TBXAS1: variants seen among roughly 807,000 people sequenced by gnomAD.
TBXAS1 encodes the protein thromboxane-A synthase.
A neutral mutation model predicts 60.7 loss-of-function variants in TBXAS1; 48 were observed. The observed-to-expected ratio is 0.79, with a 90% confidence interval of 0.63 to 1.01. The LOEUF (loss-of-function observed/expected upper bound fraction) is 1.01, where lower values mean the gene tolerates loss of function less well. Ranked by LOEUF, TBXAS1 falls within the 50% of genes least tolerant of loss-of-function variation. The probability of loss-of-function intolerance (pLI) is 0.00; values close to 1 mark genes in which losing one functional copy is unlikely to be tolerated. For missense variants in TBXAS1, 685 were observed against 686.3 expected (o/e 1.00, Z 0.02); for synonymous variants, 287 against 269.7 (o/e 1.06, Z -0.63).
chr7:139,906,920 T>TTAG (rs1805144087), intron 3 of TBXAS1, among the ~76,000 whole-genome samples: 1 of 152,244 alleles, frequency 6.6e-6, no homozygotes, highest in African/African-American at 2.4e-5. Context: ...AACTCACTTA[T>TTAG]TAGTTCTAAG....
chr7:139,873,325 G>T (rs976079895), intron 2 of TBXAS1, among the ~76,000 whole-genome samples: 2 of 152,212 alleles, frequency 1.3e-5, no homozygotes, highest in Non-Finnish European at 2.9e-5. Context: ...AGAACTATTT[G>T]TGTGTTAACA....
Position 140,017,726 on chromosome 7 carries a change from GC to G in TBXAS1, c.1422del (p.Gly475AlafsTer10), listed in dbSNP as rs1362879495. 1.9e-6 allele frequency: 3 copies of G among 1,613,900 alleles called. No homozygotes were observed. The highest frequency in any genetic ancestry group is 2.5e-6 in the Non-Finnish European group (3 of 1,179,944). ...HRPFTYLPFG[A>X]GPRSCLGVRL... ...GCCCTTCACGTACCTGCCCTTCGGGGCCGGCCCACGGAGCTGCCTCGGGGTG... is the reference window on the plus strand; with the variant it reads ...GCCCTTCACGTACCTGCCCTTCGGGGCGGCCCACGGAGCTGCCTCGGGGTG... On this transcript the variant is annotated frameshift_variant, in exon 12 of 13. Coordinates refer to ENST00000448866, the MANE Select transcript of TBXAS1 (RefSeq NM_001061.7). LOFTEE classifies it high-confidence loss of function.
intron 3 of TBXAS1, among the ~76,000 whole-genome samples, chr7:139,785,489 T>TG (rs397769086): frequency 1.5e-3 from 223 of 150,378 alleles, no homozygotes; most frequent in African/African-American, 5.3e-3. Flanking sequence ...TTGTTGTTGT[T>TG]TTTTGTGTGA....
chr7:139,853,265 A>T (rs1010295685), intron 1 of TBXAS1, among the ~76,000 whole-genome samples: 2 of 142,730 alleles, frequency 1.4e-5, no homozygotes, highest in Non-Finnish European at 3.0e-5. Context: ...CACAGACTTG[A>T]ACAAACAGGG....
At chr7:139,959,006 T>G (rs1477164061) in intron 8 of TBXAS1, among the ~76,000 whole-genome samples, 4 of 65,054 alleles carry the variant, frequency 6.1e-5, no homozygotes, top group African/African-American at 2.1e-4. Context: ...TTTGAGAGTG[T>G]TCACACACAC....
intron 4 of TBXAS1, among the ~76,000 whole-genome samples, chr7:139,807,086 A>C (rs1015748721): frequency 6.6e-6 from 1 of 152,272 alleles, no homozygotes; most frequent in South Asian, 2.1e-4. Context: ...CTGCAGTCCA[A>C]CTGCCCTCCC....
At position 139,871,968 on chromosome 7, in the gene TBXAS1, T is replaced by C. The variant is rs117026346; in HGVS notation, c.90-267T>C. On this transcript the variant is annotated intron_variant, in intron 1 of 12. Transcript: ENST00000448866. The stretch of plus-strand genomic sequence containing the variant: ...GGAATTCTAGGTCAGAGAGGGGCAG[T>C]TGGACTACATCATCTGTAAGGCATC... Among the ~76,000 whole-genome samples, 1,416 of 152,282 alleles carry C rather than the reference T, an allele frequency of 9.3e-3. 15 individuals are homozygous for C. Among genetic ancestry groups the C allele is most frequent in the Non-Finnish European group, 0.015 (994 of 68,018 alleles).
At chr7:139,824,075 G>A (rs893653461) in intron 4 of TBXAS1, among the ~76,000 whole-genome samples, 1 of 152,154 alleles carries the variant, frequency 6.6e-6, no homozygotes, top group Non-Finnish European at 1.5e-5. Flanking sequence ...ACATCTGCAC[G>A]GGCAGTTTTT....
chr7:139,843,468 G>C (rs755030228), intron 1 of TBXAS1, among the ~76,000 whole-genome samples: 8 of 152,016 alleles, frequency 5.3e-5, no homozygotes, highest in Non-Finnish European at 1.0e-4. Flanking sequence ...TCAGCCTCCT[G>C]AGTAGCTGGG....
chr7:139,997,224 G>T (rs538447752), intron 9 of TBXAS1, among the ~76,000 whole-genome samples: 1 of 152,234 alleles, frequency 6.6e-6, no homozygotes, highest in South Asian at 2.1e-4. Context: ...GAGGGAACCA[G>T]GATCTGTGGG....
chr7:139,807,148 G>A (rs551581112), intron 4 of TBXAS1, among the ~76,000 whole-genome samples: 1 of 152,138 alleles, frequency 6.6e-6, no homozygotes, highest in African/African-American at 2.4e-5. Flanking sequence ...AGCCTCCAGC[G>A]CCAGCTCTTC....
intron 4 of TBXAS1, among the ~76,000 whole-genome samples, chr7:139,798,659 A>C (rs1315324935): frequency 6.6e-6 from 1 of 152,232 alleles, no homozygotes; most frequent in African/African-American, 2.4e-5. Flanking sequence ...TTTCAGATAA[A>C]GTTGTCTCAT....
At chr7:140,012,903 TTTGTTTAACAGGAAC>T (rs1814731863) in intron 10 of TBXAS1, among the ~76,000 whole-genome samples, 2 of 152,130 alleles carry the variant, frequency 1.3e-5, no homozygotes, top group African/African-American at 2.4e-5. Context: ...TGACAGCACG[TTTGTTTAACAGGAAC>T]TCAAAGCCAG....
intron 3 of TBXAS1, among the ~76,000 whole-genome samples, chr7:139,907,214 T>C (rs1805174340): frequency 6.6e-6 from 1 of 152,196 alleles, no homozygotes; most frequent in Admixed American, 6.5e-5. Flanking sequence ...TCCTCTCTAT[T>C]CCTGAGAGTG....
At position 139,999,702 on chromosome 7, in the gene TBXAS1, G is replaced by A. The variant is rs1186030844; in HGVS notation, c.1135-7389G>A. ...GGCTGTATTGCCCCAAGCTGTCCTC[G>A]TGCTTAAGGGATTTCCAGCTCCGGC... On this transcript the variant is annotated intron_variant, in intron 9 of 12. Transcript: ENST00000448866. This position sits in a 1 kb window ranked among gnomAD's most constrained non-coding sequence, Gnocchi z 4.3. 1.3e-5 allele frequency among the ~76,000 whole-genome samples: 2 copies of A among 152,098 alleles called. No homozygotes were observed. Among genetic ancestry groups the A allele is most frequent in the Admixed American group, 6.6e-5 (1 of 15,264 alleles).
At chr7:139,867,321 C>A (rs779617680) in intron 1 of TBXAS1, among the ~76,000 whole-genome samples, 7 of 152,138 alleles carry the variant, frequency 4.6e-5, no homozygotes, top group African/African-American at 1.7e-4. Flanking sequence ...ATGTAATGAC[C>A]GAGCGGAGGG....
intron 1 of TBXAS1, among the ~76,000 whole-genome samples, chr7:139,848,024 T>C (rs553148523): frequency 2.6e-5 from 4 of 152,248 alleles, no homozygotes; most frequent in African/African-American, 7.2e-5. Flanking sequence ...TCTTGCTATA[T>C]TTCCCAGGCT....
intron 5 of TBXAS1, among the ~76,000 whole-genome samples, chr7:139,943,441 A>G (rs1219178648): frequency 6.6e-6 from 1 of 152,224 alleles, no homozygotes; most frequent in Non-Finnish European, 1.5e-5. Context: ...TTGCATTTAA[A>G]AGAAAACACA....
intron 10 of TBXAS1, among the ~76,000 whole-genome samples, chr7:140,010,089 C>T (rs1331816703): frequency 6.6e-6 from 1 of 150,776 alleles, no homozygotes; most frequent in African/African-American, 2.4e-5. Context: ...ACCACACCCA[C>T]CCCACACCTG....
Sources: allele counts gnomAD v4.1 joint callset (sites outside exome capture counted in the v4.1 genomes callset), GRCh38; gene constraint gnomAD v4.1.1; non-coding constraint Gnocchi (gnomAD v3.1); transcripts MANE v1.5; gene names NCBI Gene and HGNC (gene_info 2026-07-23, HGNC 2026-07-21).